Variants in ABTB2 observed in about 807,000 individuals in gnomAD.
ABTB2 encodes the protein ankyrin repeat and BTB/POZ domain-containing protein 2.
A neutral mutation model predicts 104.1 loss-of-function variants in ABTB2; 56 were observed. The observed-to-expected ratio is 0.54, with a 90% CI of 0.43 to 0.67. The LOEUF (loss-of-function observed/expected upper bound fraction) is 0.67, where lower values mean the gene tolerates loss of function less well. Among genes scored for constraint, ABTB2 ranks in the 30% least tolerant of loss-of-function variants. The probability of loss-of-function intolerance (pLI) is 0.00; values close to 1 mark genes in which losing one functional copy is unlikely to be tolerated. For synonymous variants in ABTB2, 606 were observed against 608.2 expected (o/e 1.00, Z 0.05); for missense variants, 1,279 against 1,407.7 (o/e 0.91, Z 1.46).
At chr11:34,230,566 G>C (rs1025722646) in intron 1 of ABTB2, among the ~76,000 whole-genome samples, 4 of 152,124 alleles carry the variant, frequency 2.6e-5, no homozygotes, top group Admixed American at 6.6e-5. Flanking sequence ...GATGGGGAGA[G>C]TTGCCCCCTT....
rs1447522274 is a variant in ABTB2 at position 34,357,237 on chromosome 11, C to T, written c.347G>A (p.Arg116Gln). Residue 116 changes from arginine (R) to glutamine (Q), a missense_variant, in exon 1 of 17, where the codon CGG becomes CAG. By Grantham distance (43) the Arg-to-Gln change is conservative. Transcript: ENST00000435224. ...CGCCTCGGCGGAGAACTGGGGCAGC[C>T]GCCGGCCGCCAGCGCCTTTGCGGAG... is the stretch of plus-strand genomic sequence containing the variant. ...RVLRKGAGGR[R>Q]LPQFSAEAVR... 11 of 1,502,514 alleles carry T rather than the reference C, an allele frequency of 7.3e-6. No individual in the cohort carries two copies. The highest frequency in any genetic ancestry group is 9.7e-6 in the Non-Finnish European group (11 of 1,131,330). 93.1% of individuals were successfully genotyped at this position (1,502,514 alleles called of 1,614,324 possible). A position where few individuals can be genotyped will look rare whatever the true frequency, so the allele number is the denominator to read the frequency against.
chr11:34,278,527 G>T (rs1324307558), intron 1 of ABTB2, among the ~76,000 whole-genome samples: 1 of 152,102 alleles, frequency 6.6e-6, no homozygotes, highest in Non-Finnish European at 1.5e-5. Flanking sequence ...AAGTCCTCTG[G>T]TTAATCATTA....
intron 1 of ABTB2, among the ~76,000 whole-genome samples, chr11:34,235,239 A>G (rs1400022064): frequency 6.6e-6 from 1 of 152,226 alleles, no homozygotes; most frequent in Non-Finnish European, 1.5e-5. Flanking sequence ...AGCTCTGCAT[A>G]GCAGGGATTG....
At chr11:34,158,533 C>G (rs904040653) in intron 14 of ABTB2, among the ~76,000 whole-genome samples, 3 of 152,258 alleles carry the variant, frequency 2.0e-5, no homozygotes, top group African/African-American at 7.2e-5. Flanking sequence ...CTAGACCCAC[C>G]TGCCAGCTGC....
chr11:34,352,412 AT>A (rs769661962), intron 1 of ABTB2, among the ~76,000 whole-genome samples: 2 of 152,186 alleles, frequency 1.3e-5, no homozygotes, highest in African/African-American at 2.4e-5. Flanking sequence ...TTTAAAAAAA[AT>A]ATTTTAAACA....
rs541913622 is a variant in ABTB2 at position 34,188,539 on chromosome 11, C to A, written c.1244+8786G>T. ...TGGATGTGCCAGCCTGGGGAATACACGGAAACAAGTACTTAATTCACCCAA... is the reference window on the plus strand; with the variant it reads ...TGGATGTGCCAGCCTGGGGAATACAAGGAAACAAGTACTTAATTCACCCAA... On this transcript the variant is annotated intron_variant, in intron 3 of 16. Transcript: ENST00000435224. Among the ~76,000 whole-genome samples the A allele has an allele frequency of 3.3e-5, 5 of 152,220 alleles. No individual in the cohort carries two copies. The East Asian group carries it at 5.8e-4, about 18-fold the overall frequency.
chr11:34,183,254 C>G (rs1400944747), intron 3 of ABTB2, among the ~76,000 whole-genome samples: 1 of 152,174 alleles, frequency 6.6e-6, no homozygotes, highest in African/African-American at 2.4e-5. Flanking sequence ...GTGTGTGCCA[C>G]CAGACTCGGC....
chr11:34,314,070 A>G (rs1329012960), intron 1 of ABTB2, among the ~76,000 whole-genome samples: 1 of 152,214 alleles, frequency 6.6e-6, no homozygotes, highest in African/African-American at 2.4e-5. Context: ...CAAATTTACA[A>G]CAGCAAAGGA....
At chr11:34,353,573 T>C (rs1855426099) in intron 1 of ABTB2, among the ~76,000 whole-genome samples, 1 of 152,212 alleles carries the variant, frequency 6.6e-6, no homozygotes, top group Admixed American at 6.5e-5. Flanking sequence ...AATATATAAC[T>C]CCTGCTGCTC....
chr11:34,267,914 T>C (rs1377819834), intron 1 of ABTB2, among the ~76,000 whole-genome samples: 3 of 152,206 alleles, frequency 2.0e-5, no homozygotes, highest in African/African-American at 7.2e-5. Context: ...CACAAATGTA[T>C]GTAAAACATG....
chr11:34,282,249 T>C (rs1220324490), intron 1 of ABTB2, among the ~76,000 whole-genome samples: 1 of 152,140 alleles, frequency 6.6e-6, no homozygotes, highest in Non-Finnish European at 1.5e-5. Context: ...AACATATGAA[T>C]CTGGGGTGGG....
At chr11:34,198,722 T>C (rs1853298048) in intron 2 of ABTB2, among the ~76,000 whole-genome samples, 1 of 152,170 alleles carries the variant, frequency 6.6e-6, no homozygotes, top group Non-Finnish European at 1.5e-5. Context: ...TACTTAAGTA[T>C]TTTCAATATC....
chr11:34,322,619 AAG>A, intron 1 of ABTB2, among the ~76,000 whole-genome samples: 1 of 152,082 alleles, frequency 6.6e-6, no homozygotes, highest in South Asian at 2.1e-4. Flanking sequence ...ATAAGAGAAA[AAG>A]AATAAATTAT....
At chr11:34,283,357 A>C (rs960773530) in intron 1 of ABTB2, among the ~76,000 whole-genome samples, 2 of 151,960 alleles carry the variant, frequency 1.3e-5, no homozygotes, top group African/African-American at 2.4e-5. Context: ...CTGGGATTAC[A>C]GGCACGTGCC....
At chr11:34,225,458 T>C (rs1402736270) in intron 1 of ABTB2, among the ~76,000 whole-genome samples, 1 of 152,172 alleles carries the variant, frequency 6.6e-6, no homozygotes, top group Non-Finnish European at 1.5e-5. Flanking sequence ...TTCCCTTCCC[T>C]TAAAAAGAAA....
rs1461939590 is a variant in ABTB2 at position 34,195,075 on chromosome 11, C to CGGGGG, written c.1244+2245_1244+2249dup. ...CACAGGACATGACAAAGATGCCCGGCGGGGGGGGGGAGTGGGGGCGGGAGA... is the reference window on the plus strand; with the variant it reads ...CACAGGACATGACAAAGATGCCCGGCGGGGGGGGGGGGGGGAGTGGGGGCGGGAGA... On this transcript the variant is annotated intron_variant, in intron 3 of 16. Coordinates refer to ENST00000435224, the MANE Select transcript of ABTB2 (RefSeq NM_145804.3). 5.1e-3 allele frequency among the ~76,000 whole-genome samples: 91 copies of CGGGGG among 17,986 alleles called. 2 individuals carry two copies. The highest frequency in any genetic ancestry group is 0.018 in the East Asian group (17 of 930). 11.8% of individuals were successfully genotyped at this position (17,986 alleles called of 152,430 possible). A position where few individuals can be genotyped will look rare whatever the true frequency, so the allele number is the denominator to read the frequency against.
chr11:34,195,076 G>GCGGGGC (rs1554982307), intron 3 of ABTB2, among the ~76,000 whole-genome samples: 2 of 37,456 alleles, frequency 5.3e-5, no homozygotes, highest in African/African-American at 2.0e-4. Context: ...GATGCCCGGC[G>GCGGGGC]GGGGGGGGGA....
At chr11:34,172,847 C>G (rs1030413211) in intron 4 of ABTB2, among the ~76,000 whole-genome samples, 17 of 152,198 alleles carry the variant, frequency 1.1e-4, no homozygotes, top group Admixed American at 1.1e-3. Flanking sequence ...CCACTTCTGC[C>G]CCTCAGTCCC....
chr11:34,234,508 G>C (rs1466837892), intron 1 of ABTB2, among the ~76,000 whole-genome samples: 3 of 152,222 alleles, frequency 2.0e-5, no homozygotes, highest in Non-Finnish European at 4.4e-5. Context: ...GGGCAAGGGA[G>C]GCACCAGGGC....
Sources: gnomAD v4.1 joint callset for allele counts (sites outside exome capture counted in the v4.1 genomes callset) on GRCh38, gnomAD v4.1.1 for gene constraint, MANE v1.5 for transcripts, NCBI Gene and HGNC (gene_info 2026-07-23, HGNC 2026-07-21) for gene names.